ZNF362: variants seen among roughly 807,000 people sequenced by gnomAD.
ZNF362 encodes the protein zinc finger protein 362, also known as rotund homolog.
ZNF362 carries 11 observed loss-of-function variants against 42.9 expected under a neutral mutation model. The observed-to-expected ratio is 0.26, with a 90% CI of 0.16 to 0.42. The LOEUF (loss-of-function observed/expected upper bound fraction) is 0.42. Ranked by LOEUF, ZNF362 falls within the 20% of genes least tolerant of loss-of-function variation. The probability of loss-of-function intolerance (pLI) is 1.00; values close to 1 mark genes in which losing one functional copy is unlikely to be tolerated. For synonymous variants in ZNF362, 255 were observed against 257.3 expected (o/e 0.99, Z 0.09); for missense variants, 362 against 576.2 (o/e 0.63, Z 3.81).
the ZNF362 span, among the ~76,000 whole-genome samples, chr1:33,213,305 T>C: frequency 6.6e-6 from 1 of 152,172 alleles, no homozygotes; most frequent in African/African-American, 2.4e-5. Flanking sequence ...GAAGTTCATT[T>C]TCTTAATCAC....
the ZNF362 span, among the ~76,000 whole-genome samples, chr1:33,214,291 A>T: frequency 1.3e-5 from 2 of 152,236 alleles, no homozygotes; most frequent in Admixed American, 1.3e-4. Flanking sequence ...CAGGATCTCC[A>T]TATGCAGAAG....
chr1:33,166,605 A>G, the ZNF362 span, among the ~76,000 whole-genome samples: 7 of 152,214 alleles, frequency 4.6e-5, no homozygotes, highest in African/African-American at 1.4e-4. Flanking sequence ...AGGTCAAGAA[A>G]CTGGCCCCAT....
chr1:33,151,189 A>T, the ZNF362 span, among the ~76,000 whole-genome samples: 3 of 152,066 alleles, frequency 2.0e-5, no homozygotes, highest in African/African-American at 7.3e-5. Flanking sequence ...TGCAGATTGG[A>T]GGAAATCCTG....
At chr1:33,250,763 AAAGAAGAAGG>A in the ZNF362 span, among the ~76,000 whole-genome samples, 1 of 142,758 alleles carries the variant, frequency 7.0e-6, no homozygotes, top group Non-Finnish European at 1.5e-5. Flanking sequence ...AAAAAAGAAG[AAAGAAGAAGG>A]AAGAAGAAAG....
chr1:33,154,909 C>T, the ZNF362 span, among the ~76,000 whole-genome samples: 8 of 151,318 alleles, frequency 5.3e-5, no homozygotes, highest in East Asian at 2.0e-4. Flanking sequence ...CTGGCTAACA[C>T]GGTGAAACCC....
the ZNF362 span, among the ~76,000 whole-genome samples, chr1:33,150,001 TG>T: frequency 6.6e-6 from 1 of 152,198 alleles, no homozygotes; most frequent in Non-Finnish European, 1.5e-5. Flanking sequence ...CACCTGGCTC[TG>T]GGCTGGCCAC....
chr1:33,295,092 G>T, intron 7 of ZNF362, 55 bp from the exon 8 acceptor site: 1 of 1,613,408 alleles, frequency 6.2e-7, no homozygotes, highest in Non-Finnish European at 8.5e-7. Flanking sequence ...GCGTAGGAAG[G>T]GGGTGGGGTG....
chr1:33,243,657 T>A, the ZNF362 span, among the ~76,000 whole-genome samples: 1 of 151,628 alleles, frequency 6.6e-6, no homozygotes, highest in African/African-American at 2.4e-5. Flanking sequence ...CGTGCAGTGG[T>A]GCGATCTCAG....
At chr1:33,229,146 C>A in the ZNF362 span, among the ~76,000 whole-genome samples, 1 of 152,206 alleles carries the variant, frequency 6.6e-6, no homozygotes, top group African/African-American at 2.4e-5. Flanking sequence ...CTCTCCACCC[C>A]ACCCAGGACT....
At chr1:33,241,768 A>G in the ZNF362 span, among the ~76,000 whole-genome samples, 1 of 152,142 alleles carries the variant, frequency 6.6e-6, no homozygotes, top group Non-Finnish European at 1.5e-5. Flanking sequence ...ATATTAGAAC[A>G]TCTCACTGTG....
At chr1:33,158,178 G>A in the ZNF362 span, 20 of 1,366,638 alleles carry the variant, frequency 1.5e-5, no homozygotes, top group East Asian at 2.3e-5. Flanking sequence ...GCCCCATGCT[G>A]TGTTTAGGAC....
At chr1:33,260,530 C>T (rs1303262124) in intron 1 of ZNF362, among the ~76,000 whole-genome samples, 1 of 152,246 alleles carries the variant, frequency 6.6e-6, no homozygotes, top group Non-Finnish European at 1.5e-5. Context: ...CCTACTCTCA[C>T]TCTCTCACAT....
the ZNF362 span, chr1:33,165,547 A>T: frequency 6.2e-7 from 1 of 1,609,986 alleles, no homozygotes; most frequent in Non-Finnish European, 8.5e-7. This position sits in a 1 kb window ranked among gnomAD's most constrained non-coding sequence, Gnocchi z 4.0. Flanking sequence ...AAGGGCCTGA[A>T]GTTGGTCCTT....
chr1:33,203,185 T>C, the ZNF362 span, among the ~76,000 whole-genome samples: 3 of 151,884 alleles, frequency 2.0e-5, no homozygotes, highest in Non-Finnish European at 4.4e-5. Context: ...CTGACTTTTC[T>C]TTTTTTTGAT....
chr1:33,165,384 C>A, the ZNF362 span: 1 of 1,265,148 alleles, frequency 7.9e-7, no homozygotes, highest in Non-Finnish European at 1.1e-6. This position sits in a 1 kb window ranked among gnomAD's most constrained non-coding sequence, Gnocchi z 4.0. Context: ...CACCCGAGGC[C>A]CCGCCCCTCT....
chr1:33,207,955 T>C, the ZNF362 span, among the ~76,000 whole-genome samples: 2 of 152,200 alleles, frequency 1.3e-5, no homozygotes. Flanking sequence ...GTTTAACTAG[T>C]CCTCATTTGT....
intron 1 of ZNF362, 89 bp from the exon 2 acceptor site, chr1:33,270,398 T>C: frequency 2.1e-5 from 12 of 578,900 alleles, no homozygotes; most frequent in South Asian, 1.8e-4. Flanking sequence ...TCATGACATA[T>C]TCAACACATA....
At chr1:33,170,318 CT>C in the ZNF362 span, among the ~76,000 whole-genome samples, 5 of 8,172 alleles carry the variant, frequency 6.1e-4, no homozygotes, top group Admixed American at 3.9e-3. Flanking sequence ...AGCCCAGTCT[CT>C]TTAAAAAAAA....
chr1:33,233,749 C>G, the ZNF362 span, among the ~76,000 whole-genome samples: 1 of 152,038 alleles, frequency 6.6e-6, no homozygotes, highest in Non-Finnish European at 1.5e-5. Flanking sequence ...GTCTGTCTTC[C>G]CCTGAGACTT....
Sources: allele counts gnomAD v4.1 joint callset (sites outside exome capture counted in the v4.1 genomes callset), GRCh38; gene constraint gnomAD v4.1.1; non-coding constraint Gnocchi (gnomAD v3.1); transcripts MANE v1.5; gene names NCBI Gene and HGNC (gene_info 2026-07-23, HGNC 2026-07-21).